Variants in AXL observed in about 807,000 individuals in gnomAD.
The protein encoded by AXL is tyrosine-protein kinase receptor UFO.
AXL carries 52 observed loss-of-function variants against 104.5 expected under a neutral mutation model. That is an observed-to-expected ratio of 0.50 (90% CI 0.40 to 0.63). The LOEUF is 0.63. Ranked by LOEUF, AXL falls within the 20% of genes least tolerant of loss-of-function variation. The pLI, the probability that AXL is intolerant of heterozygous loss-of-function variation, is 0.00. For missense variants in AXL, 1,024 were observed against 1,188.5 expected (o/e 0.86, Z 2.04); for synonymous variants, 455 against 473.7 (o/e 0.96, Z 0.51).
Position 41,238,130 on chromosome 19 carries a change from C to T in AXL, c.970C>T (p.Leu324Phe), listed in dbSNP as rs2122234583. 1.2e-6 allele frequency: 2 copies of T among 1,614,128 alleles called. No individual in the cohort carries two copies. Among genetic ancestry groups the T allele is most frequent in the South Asian group, 1.1e-5 (1 of 91,090 alleles). Residue 324 changes from leucine to phenylalanine, a missense_variant, in exon 7 of 20, where the codon CTT (leucine) becomes TTT (phenylalanine). Leu to Phe is a conservative substitution (Grantham distance 22). Coordinates refer to ENST00000301178, the MANE Select transcript of AXL (RefSeq NM_021913.5). ...GGGCCCCTCATCCTGGACCCACTGGCTTCCTGTGGAGACGCCGGAGGGAGG... is the reference window on the plus strand; with the variant it reads ...GGGCCCCTCATCCTGGACCCACTGGTTTCCTGTGGAGACGCCGGAGGGAGG... ...SQGPSSWTHW[L>F]PVETPEGVPL...
chr19:41,253,256 TG>T (rs1450708936), intron 16 of AXL, among the ~76,000 whole-genome samples: 1 of 151,938 alleles, frequency 6.6e-6, no homozygotes, highest in African/African-American at 2.4e-5. Context: ...GTGAAGGAGT[TG>T]GGGCTGGGGA....
intron 4 of AXL, among the ~76,000 whole-genome samples, chr19:41,228,578 C>T (rs1198532645): frequency 6.6e-6 from 1 of 152,000 alleles, no homozygotes; most frequent in African/African-American, 2.4e-5. Context: ...ACAGTCAAGA[C>T]ACAATACGTG....
chr19:41,252,269 TG>T (rs2034376831), intron 14 of AXL, 81 bp from the exon 15 acceptor site: 12 of 1,103,454 alleles, frequency 1.1e-5, no homozygotes, highest in Non-Finnish European at 1.7e-5. Flanking sequence ...ATGATGATGA[TG>T]ATGATGATGA....
At position 41,259,851 on chromosome 19, in the gene AXL, C is replaced by G; in HGVS notation, c.2632C>G (p.Gln878Glu). 1.2e-6 allele frequency: 2 copies of G among 1,609,496 alleles called. No individual in the cohort carries two copies. The highest frequency in any genetic ancestry group is 1.7e-6 in the Non-Finnish European group (2 of 1,177,252). Residue 878 changes from glutamine (Q) to glutamate (E), a missense_variant, in exon 20 of 20, where the codon CAG (glutamine) becomes GAG (glutamate). Transcript: ENST00000301178. ...CCCTTCCACAACCCCTAGCCCCGCT[C>G]AGCCTGCTGATAGGGGCTCCCCAGC... is the stretch of plus-strand genomic sequence containing the variant. ...LCPSTTPSPA[Q>E]PADRGSPAAP...
At chr19:41,226,865 G>A in intron 4 of AXL, 4 of 915,266 alleles carry the variant, frequency 4.4e-6, no homozygotes, top group Non-Finnish European at 3.9e-6. Context: ...AGGCCGAGGC[G>A]GGAGGATCGC....
chr19:41,220,571 G>A, intron 1 of AXL, 65 bp from the exon 2 acceptor site: 1 of 1,419,774 alleles, frequency 7.0e-7, no homozygotes, highest in Non-Finnish European at 9.6e-7. Flanking sequence ...GCAAGGACAG[G>A]GTGGAACTGA....
chr19:41,249,676 A>G (rs965101376), intron 14 of AXL, among the ~76,000 whole-genome samples: 1 of 151,982 alleles, frequency 6.6e-6, no homozygotes, highest in Non-Finnish European at 1.5e-5. Context: ...GAATCGCTTG[A>G]ACCTCACAGG....
intron 6 of AXL, among the ~76,000 whole-genome samples, chr19:41,234,367 T>C (rs756745403): frequency 6.6e-6 from 1 of 152,042 alleles, no homozygotes; most frequent in Non-Finnish European, 1.5e-5. Context: ...ACACCTGTAA[T>C]ACTAGACCTT....
Position 41,259,705 on chromosome 19 carries a change from G to A in AXL, c.2486G>A (p.Gly829Asp), listed in dbSNP as rs2122298674. ...TATGTCAACATGGATGAGGGTGGAG[G>A]TTATCCTGAACCCCCTGGAGCTGCA... ...ILYVNMDEGG[G>D]YPEPPGAAGG... The change falls in exon 20 of 20, where the codon GGT (glycine) becomes GAT (aspartate). Residue 829 changes from glycine to aspartate, a missense_variant. By Grantham distance (94) the Gly-to-Asp change is moderately conservative (BLOSUM62 -1). Around this residue, in one of 5 missense-constraint regions of AXL, gnomAD observed 523 missense variants for 636.0 expected, o/e 0.82. Coordinates refer to ENST00000301178, the MANE Select transcript of AXL (RefSeq NM_021913.5). 1 of 1,614,098 alleles carries A rather than the reference G, an allele frequency of 6.2e-7. No homozygotes were observed. Among genetic ancestry groups the A allele is most frequent in the Non-Finnish European group, 8.5e-7 (1 of 1,180,008 alleles).
At chr19:41,238,326 C>A in intron 7 of AXL, 144 bp from the exon 8 acceptor site, 1 of 1,469,570 alleles carries the variant, frequency 6.8e-7, no homozygotes, top group Non-Finnish European at 9.3e-7. Flanking sequence ...CCCAGCCCTT[C>A]TCTCCCCTGT....
At chr19:41,222,092 G>A (rs752081824) in intron 4 of AXL, 36 bp downstream of exon 4, 35 of 1,475,514 alleles carry the variant, frequency 2.4e-5, no homozygotes, top group Non-Finnish European at 3.1e-5. Flanking sequence ...CCGAATAGGG[G>A]GCCGGGCAGG....
intron 7 of AXL, 97 bp from the exon 8 acceptor site, chr19:41,238,373 G>A (rs2034119392): frequency 3.9e-6 from 6 of 1,553,062 alleles, no homozygotes; most frequent in Middle Eastern, 2.3e-4. Context: ...AGTTGCCCAC[G>A]TGTGTGCCCT....
Position 41,220,808 on chromosome 19 carries a change from GC to G in AXL, c.262del (p.Leu88TrpfsTer10). ...TCGCGGACAGCACCCAGACCCAGGTGCCCCTGGGTGAGGATGAACAGGATGA... is the reference window on the plus strand; with the variant it reads ...TCGCGGACAGCACCCAGACCCAGGTGCCCTGGGTGAGGATGAACAGGATGA... ...ELADSTQTQV[P>X]LGEDEQDDWI... On this transcript the variant is annotated frameshift_variant, in exon 2 of 20. Transcript: ENST00000301178. LOFTEE classifies it high-confidence loss of function. The G allele has an allele frequency of 1.2e-6, 2 of 1,614,100 alleles. No homozygotes were observed. Among genetic ancestry groups the G allele is most frequent in the Non-Finnish European group, 1.7e-6 (2 of 1,180,002 alleles).
intron 18 of AXL, among the ~76,000 whole-genome samples, chr19:41,257,286 C>T (rs970384026): frequency 5.3e-5 from 8 of 152,096 alleles, no homozygotes; most frequent in Non-Finnish European, 8.8e-5. Flanking sequence ...TCAGGCAGTC[C>T]GCCCACCTCA....
rs146598679 is a variant in AXL at position 41,220,745 on chromosome 19, C to T, written c.195C>T (p.Pro65=). The change falls in exon 2 of 20, where the codon CCC becomes CCT. Residue 65 remains proline, a synonymous_variant. Coordinates refer to ENST00000301178, the MANE Select transcript of AXL (RefSeq NM_021913.5). ...AGCTCCAGGTTCAGGGAGAGCCCCC[C>T]GAGGTACATTGGCTTCGGGATGGAC... ...RCQLQVQGEP[P]EVHWLRDGQI... is the part of the protein sequence containing the mutation. 34 of 1,614,028 alleles carry T rather than the reference C, an allele frequency of 2.1e-5. No individual in the cohort carries two copies. The highest frequency in any genetic ancestry group is 5.3e-5 in the African/African-American group (4 of 74,926).
At chr19:41,252,542 C>A in intron 15 of AXL, 99 bp downstream of exon 15, 2 of 1,350,156 alleles carry the variant, frequency 1.5e-6, no homozygotes, top group Non-Finnish European at 2.1e-6. Context: ...AACTTCCAGG[C>A]TTCCTGCTCC....
At chr19:41,240,425 T>C (rs2034162747) in intron 10 of AXL, among the ~76,000 whole-genome samples, 1 of 151,816 alleles carries the variant, frequency 6.6e-6, no homozygotes, top group South Asian at 2.1e-4. Flanking sequence ...GATAAATGGA[T>C]GGATGGACAG....
intron 16 of AXL, 42 bp from the exon 17 acceptor site, chr19:41,253,557 G>A (rs752344900): frequency 4.3e-6 from 6 of 1,397,890 alleles, no homozygotes; most frequent in Admixed American, 3.5e-5. Context: ...ATCGCATCAA[G>A]GACTCTGTTG....
chr19:41,231,350 A>G (rs895881314), intron 6 of AXL, 52 bp downstream of exon 6: 4 of 1,491,016 alleles, frequency 2.7e-6, no homozygotes, highest in East Asian at 4.6e-5. Context: ...TTCCACCCAC[A>G]TCCACAACCC....
Sources: allele counts gnomAD v4.1 joint callset (sites outside exome capture counted in the v4.1 genomes callset), GRCh38; gene constraint gnomAD v4.1.1; regional missense constraint gnomAD v4.1.1; transcripts MANE v1.5; gene names NCBI Gene and HGNC (gene_info 2026-07-23, HGNC 2026-07-21).